UGT1A7: variants seen among roughly 807,000 people sequenced by gnomAD.
UGT1A7 encodes the protein UDP glucuronosyltransferase family 1 member A7.
Under a neutral mutation model 45.6 loss-of-function variants are expected in UGT1A7, and 33 were observed. That is an observed-to-expected ratio of 0.72 (90% CI 0.55 to 0.97). The LOEUF is 0.97. UGT1A7 is among the 50% of genes least tolerant of loss of function. The pLI is 0.00. For missense variants in UGT1A7, 684 were observed against 666.2 expected (o/e 1.03, Z -0.29); for synonymous variants, 274 against 250.6 (o/e 1.09, Z -0.88).
intron 1 of UGT1A7, chr2:233,690,814 G>A: frequency 1.9e-6 from 2 of 1,077,024 alleles, no homozygotes; most frequent in Non-Finnish European, 2.3e-6. Flanking sequence ...TCTTAGTACA[G>A]TCAAAGCTCA....
At chr2:233,758,509 A>G (rs1575759497) in intron 1 of UGT1A7, among the ~76,000 whole-genome samples, 1 of 152,232 alleles carries the variant, frequency 6.6e-6, no homozygotes, top group Non-Finnish European at 1.5e-5. Context: ...TAATAAGGAC[A>G]CAACAAAGAG....
intron 1 of UGT1A7, chr2:233,713,425 C>A (rs748267657): frequency 6.2e-7 from 1 of 1,614,122 alleles, no homozygotes; most frequent in Non-Finnish European, 8.5e-7. Context: ...CATGCTACTT[C>A]CTTTGATGTG....
chr2:233,734,138 TG>T (rs2078490713), intron 1 of UGT1A7, among the ~76,000 whole-genome samples: 1 of 152,142 alleles, frequency 6.6e-6, no homozygotes, highest in Non-Finnish European at 1.5e-5. Flanking sequence ...AATTTGGCTG[TG>T]AATCCATCTG....
chr2:233,742,149 G>A (rs1392863105), intron 1 of UGT1A7, among the ~76,000 whole-genome samples: 1 of 151,848 alleles, frequency 6.6e-6, no homozygotes, highest in Non-Finnish European at 1.5e-5. Context: ...AGCGCTAGAC[G>A]AATTAAAGAC....
intron 1 of UGT1A7, among the ~76,000 whole-genome samples, chr2:233,730,325 C>G (rs532901219): frequency 2.0e-5 from 3 of 152,132 alleles, no homozygotes; most frequent in Non-Finnish European, 4.4e-5. Flanking sequence ...AACAGGGACA[C>G]TACGTTTGGA....
At position 233,690,776 on chromosome 2, in the gene UGT1A7, T is replaced by TACACACAC. The variant is rs34459843; in HGVS notation, c.855+8001_855+8008dup. ...GTGCAGACATACACACACACACACA[T>TACACACAC]ACACACACACACACACACACACACC... On this transcript the variant is annotated intron_variant, in intron 1 of 4. Transcript: ENST00000373426. The TACACACAC allele has an allele frequency of 4.5e-6, 4 of 891,056 alleles. No homozygotes were observed. In the African/African-American group the frequency reaches 7.1e-5, roughly 16 times the overall value. The allele number at this position is 891,056 out of a possible 1,614,324, so 55.2% of individuals were successfully genotyped here. A position where few individuals can be genotyped will look rare whatever the true frequency, so the allele number is the denominator to read the frequency against.
chr2:233,731,651 A>G (rs190900877), intron 1 of UGT1A7, among the ~76,000 whole-genome samples: 118 of 152,290 alleles, frequency 7.7e-4, no homozygotes, highest in Admixed American at 1.5e-3. Context: ...TCCATGGTGT[A>G]TATGTGCCAC....
intron 4 of UGT1A7, 106 bp from the exon 5 acceptor site, chr2:233,772,156 C>G: frequency 6.4e-7 from 1 of 1,560,932 alleles, no homozygotes; most frequent in Non-Finnish European, 8.7e-7. Context: ...GTTTCCTTTC[C>G]CAAGTTTGGA....
chr2:233,719,100 C>T, intron 1 of UGT1A7: 1 of 1,614,270 alleles, frequency 6.2e-7, no homozygotes, highest in East Asian at 2.2e-5. Flanking sequence ...TCGCGTTACG[C>T]TGGGCTACAC....
chr2:233,735,915 C>T (rs1408003529), intron 1 of UGT1A7, among the ~76,000 whole-genome samples: 4 of 152,042 alleles, frequency 2.6e-5, no homozygotes, highest in South Asian at 4.2e-4. Flanking sequence ...GTGGGTAACC[C>T]GACCTTTCTC....
At chr2:233,749,249 T>C (rs1694152253) in intron 1 of UGT1A7, among the ~76,000 whole-genome samples, 1 of 151,932 alleles carries the variant, frequency 6.6e-6, no homozygotes, top group Non-Finnish European at 1.5e-5. Flanking sequence ...AACCACATGA[T>C]TTTTTTATTG....
chr2:233,767,130 G>A lies in UGT1A7; in HGVS notation c.952G>A (p.Ala318Thr). The A allele has an allele frequency of 6.2e-7, 1 of 1,614,080 alleles. No individual in the cohort carries two copies. The highest frequency in any genetic ancestry group is 8.5e-7 in the Non-Finnish European group (1 of 1,180,012). The change falls in exon 2 of 5, where the codon GCA (alanine) becomes ACA (threonine). Residue 318 changes from alanine (A) to threonine (T), a missense_variant. Ala to Thr is a moderately conservative substitution (Grantham distance 58). Coordinates refer to ENST00000373426, the MANE Select transcript of UGT1A7 (RefSeq NM_019077.3). ...VSEIPEKKAM[A>T]IADALGKIPQ... ...AGAAATTCCAGAGAAGAAAGCTATGGCAATTGCTGATGCTTTGGGCAAAAT... is the reference window on the plus strand; with the variant it reads ...AGAAATTCCAGAGAAGAAAGCTATGACAATTGCTGATGCTTTGGGCAAAAT...
Position 233,769,801 on chromosome 2 carries a change from G to A in UGT1A7, c.1295+1362G>A, listed in dbSNP as rs1699941339. 2 of 1,172,742 alleles carry A rather than the reference G, an allele frequency of 1.7e-6. No individual in the cohort carries two copies. The highest frequency in any genetic ancestry group is 1.6e-5 in the African/African-American group (1 of 64,090). 72.6% of individuals were successfully genotyped at this position (1,172,742 alleles called of 1,614,324 possible). ...GCCCAGAAGTTGGAGGCTGCTATGA[G>A]CCGTGATCATGCCACTGCACTCCAG... On this transcript the variant is annotated intron_variant, in intron 4 of 4. Coordinates refer to ENST00000373426, the MANE Select transcript of UGT1A7 (RefSeq NM_019077.3). This position sits in a 1 kb window ranked among gnomAD's most constrained non-coding sequence, Gnocchi z 4.4.
intron 1 of UGT1A7, chr2:233,750,548 G>C (rs1694498401): frequency 1.3e-5 from 2 of 151,982 alleles, no homozygotes; most frequent in African/African-American, 4.9e-5. Context: ...GTGCACATCA[G>C]AGACCTTTGC....
At chr2:233,711,505 T>G (rs1445955965) in intron 1 of UGT1A7, among the ~76,000 whole-genome samples, 1 of 152,204 alleles carries the variant, frequency 6.6e-6, no homozygotes, top group Non-Finnish European at 1.5e-5. Context: ...AATCCCTTTC[T>G]AGCGCTCTGT....
intron 1 of UGT1A7, chr2:233,747,317 C>A: frequency 1.9e-6 from 3 of 1,603,212 alleles, no homozygotes; most frequent in Non-Finnish European, 2.6e-6. Flanking sequence ...CTGGTGGTAC[C>A]CATTGATGGC....
chr2:233,733,282 T>A (rs1222670290), intron 1 of UGT1A7, among the ~76,000 whole-genome samples: 1 of 152,234 alleles, frequency 6.6e-6, no homozygotes, highest in African/African-American at 2.4e-5. Flanking sequence ...CCTCTTTTCC[T>A]AATTGAATGC....
chr2:233,767,204 A>G, intron 2 of UGT1A7, 39 bp downstream of exon 2: 1 of 1,613,356 alleles, frequency 6.2e-7, no homozygotes, highest in Non-Finnish European at 8.5e-7. Flanking sequence ...ATCTATTTTC[A>G]CAGGAGCGCT....
At chr2:233,699,279 C>A (rs2075495770) in intron 1 of UGT1A7, among the ~76,000 whole-genome samples, 1 of 152,096 alleles carries the variant, frequency 6.6e-6, no homozygotes, top group African/African-American at 2.4e-5. Context: ...TGAATCCAGG[C>A]CAGATGCTGG....
Sources: gnomAD v4.1 joint callset for allele counts (sites outside exome capture counted in the v4.1 genomes callset) on GRCh38, gnomAD v4.1.1 for gene constraint, Gnocchi (gnomAD v3.1) non-coding constraint, MANE v1.5 for transcripts, NCBI Gene and HGNC (gene_info 2026-07-23, HGNC 2026-07-21) for gene names.